MGST2: variants seen among roughly 807,000 people sequenced by gnomAD.
The protein encoded by MGST2 is glutathione peroxidase MGST2.
A neutral mutation model predicts 16.6 loss-of-function variants in MGST2; 9 were observed. The observed-to-expected ratio is 0.54, with a 90% CI of 0.33 to 0.95. MGST2 has a LOEUF of 0.95. MGST2 is among the 40% of genes least tolerant of loss of function. The pLI, the probability that MGST2 is intolerant of heterozygous loss-of-function variation, is 0.03. For missense variants in MGST2, 159 were observed against 175.1 expected (o/e 0.91, Z 0.52); for synonymous variants, 79 against 68.0 (o/e 1.16, Z -0.79).
intron 2 of MGST2, chr4:139,685,271 G>A (rs7664138): frequency 0.28 from 43,144 of 154,984 alleles, 6,915 homozygotes; most frequent in East Asian, 0.51. Flanking sequence ...CTCTATGGAG[G>A]ATGGTCGTCC....
At chr4:139,710,184 C>A (rs1052122737) in intron 5 of MGST2, among the ~76,000 whole-genome samples, 4 of 152,164 alleles carry the variant, frequency 2.6e-5, no homozygotes, top group Admixed American at 2.6e-4. Flanking sequence ...TTTCTCCAGA[C>A]ACAATCTTCC....
At chr4:139,691,669 TGA>T (rs1726589688) in intron 2 of MGST2, among the ~76,000 whole-genome samples, 1 of 122,524 alleles carries the variant, frequency 8.2e-6, no homozygotes, top group African/African-American at 3.9e-5. Flanking sequence ...GGCAGTCAGA[TGA>T]TGATGATGAT....
intron 5 of MGST2, among the ~76,000 whole-genome samples, chr4:139,737,481 G>A (rs1728992407): frequency 6.6e-6 from 1 of 151,980 alleles, no homozygotes; most frequent in South Asian, 2.1e-4. Context: ...GGTGGGGAGA[G>A]GAATGGGCAT....
At chr4:139,670,382 TCCC>T (rs1730619504) in intron 1 of MGST2, among the ~76,000 whole-genome samples, 1 of 152,020 alleles carries the variant, frequency 6.6e-6, no homozygotes, top group South Asian at 2.1e-4. Flanking sequence ...CAGTGGGTGG[TCCC>T]AAGGCAATTG....
intron 5 of MGST2, among the ~76,000 whole-genome samples, chr4:139,709,375 G>A (rs887611152): frequency 1.3e-5 from 2 of 152,020 alleles, no homozygotes; most frequent in Non-Finnish European, 1.5e-5. Flanking sequence ...GAGCCATCAC[G>A]CCCGGCCAGA....
chr4:139,678,188 C>T (rs1228142796), intron 1 of MGST2, among the ~76,000 whole-genome samples: 1 of 152,176 alleles, frequency 6.6e-6, no homozygotes, highest in Non-Finnish European at 1.5e-5. Context: ...CAGTGAACCT[C>T]CAGGGGGCCA....
At chr4:139,695,634 A>G (rs1297437216) in intron 3 of MGST2, among the ~76,000 whole-genome samples, 1 of 152,174 alleles carries the variant, frequency 6.6e-6, no homozygotes, top group Non-Finnish European at 1.5e-5. Context: ...ACAAACAAAA[A>G]AAGGAGCAGA....
intron 5 of MGST2, among the ~76,000 whole-genome samples, chr4:139,728,563 G>A (rs189792589): frequency 6.6e-6 from 1 of 152,254 alleles, no homozygotes; most frequent in Admixed American, 6.5e-5. Flanking sequence ...GCAAAAGAAC[G>A]GACAAATCTT....
intron 5 of MGST2, among the ~76,000 whole-genome samples, chr4:139,724,755 C>T (rs930647447): frequency 6.7e-6 from 1 of 150,048 alleles, no homozygotes; most frequent in Non-Finnish European, 1.5e-5. Flanking sequence ...TTCTTCACCC[C>T]ATATAAGACC....
At chr4:139,744,443 G>C (rs1208593721), downstream of MGST2, among the ~76,000 whole-genome samples, 1 of 152,186 alleles carries the variant, frequency 6.6e-6, no homozygotes, top group Admixed American at 6.5e-5. Flanking sequence ...TTATAGCTTT[G>C]CTTGGGATTT....
chr4:139,677,052 C>A (rs925080832), intron 1 of MGST2, among the ~76,000 whole-genome samples: 5 of 152,192 alleles, frequency 3.3e-5, no homozygotes, highest in African/African-American at 1.2e-4. Context: ...CCTTGGCTAG[C>A]TGAGCCTCCT....
intron 1 of MGST2, among the ~76,000 whole-genome samples, chr4:139,668,632 AG>A (rs1730503307): frequency 1.4e-5 from 2 of 144,322 alleles, no homozygotes; most frequent in African/African-American, 5.1e-5. Flanking sequence ...GAGGGGGTAG[AG>A]GGGGAGAGGG....
chr4:139,750,154 C>T, the MGST2 span, among the ~76,000 whole-genome samples: 2 of 152,142 alleles, frequency 1.3e-5, no homozygotes, highest in Non-Finnish European at 2.9e-5. Flanking sequence ...TAGCTCATTG[C>T]CCACATGATA....
rs1727417297 is a variant in MGST2, at chr4:139,704,034, G to A, written c.330G>A (p.Leu110=). ...AAKKRITGFR[L]SLGILALLTL... ...TCTGCAGGATCACCGGTTTCCGACT[G>A]AGTCTGGGGATTTTGGCCTTGTTGA... is the stretch of plus-strand genomic sequence containing the variant. The change falls in exon 5 of 5, where the codon CTG becomes CTA. Residue 110 remains leucine, a synonymous_variant. Transcript: ENST00000265498. 4 of 1,614,124 alleles carry A rather than the reference G, an allele frequency of 2.5e-6. No homozygotes were observed. Among genetic ancestry groups the A allele is most frequent in the Non-Finnish European group, 2.5e-6 (3 of 1,180,028 alleles).
intron 2 of MGST2, among the ~76,000 whole-genome samples, chr4:139,681,888 A>G (rs1355333624): frequency 6.6e-6 from 1 of 152,188 alleles, no homozygotes; most frequent in Non-Finnish European, 1.5e-5. Context: ...TAAGCAGATG[A>G]TATTATAAGA....
chr4:139,739,720 T>A (rs900915859), intron 5 of MGST2, among the ~76,000 whole-genome samples: 98 of 134,066 alleles, frequency 7.3e-4, no homozygotes, highest in Non-Finnish European at 8.9e-4. Context: ...GTGTTAAAAC[T>A]AAAAAAAAAA....
chr4:139,686,992 T>C (rs1731600582), intron 2 of MGST2, among the ~76,000 whole-genome samples: 1 of 152,184 alleles, frequency 6.6e-6, no homozygotes, highest in African/African-American at 2.4e-5. Context: ...GTTATTTTGC[T>C]CTCCCTCCTC....
chr4:139,724,160 A>G (rs1167059124), intron 5 of MGST2, among the ~76,000 whole-genome samples: 1 of 152,236 alleles, frequency 6.6e-6, no homozygotes, highest in Non-Finnish European at 1.5e-5. Context: ...TCAAGGCCAA[A>G]GGATCTAATG....
intron 1 of MGST2, among the ~76,000 whole-genome samples, chr4:139,674,350 T>A (rs1055179522): frequency 5.9e-5 from 9 of 152,182 alleles, no homozygotes; most frequent in African/African-American, 2.2e-4. Flanking sequence ...TTTTACTGAA[T>A]CAAAGGAAGC....
Sources: allele counts gnomAD v4.1 joint callset (sites outside exome capture counted in the v4.1 genomes callset), GRCh38; gene constraint gnomAD v4.1.1; transcripts MANE v1.5; gene names NCBI Gene and HGNC (gene_info 2026-07-23, HGNC 2026-07-21).